The following RBP4 variants were observed in gnomAD, a reference collection of about 807,000 sequenced individuals.
RBP4 encodes the protein retinol-binding protein 4.
A neutral mutation model predicts 26.2 loss-of-function variants in RBP4; 9 were observed. The ratio of observed to expected loss-of-function variants is 0.34; its 90% CI spans 0.21 to 0.60. The LOEUF (loss-of-function observed/expected upper bound fraction) is 0.60. RBP4 is among the 20% of genes least tolerant of loss of function. RBP4 has a pLI of 0.80. For synonymous variants in RBP4, 114 were observed against 111.0 expected, an observed-to-expected ratio of 1.03 and a Z score of -0.17; for missense variants, 244 against 271.3, an observed-to-expected ratio of 0.90 and a Z score of 0.71.
upstream of RBP4, chr10:93,601,293 C>T: frequency 1.6e-6 from 2 of 1,213,558 alleles, no homozygotes; most frequent in South Asian, 3.8e-5. Flanking sequence ...GTCGCGCTTT[C>T]GTAACCGCGC....
intron 4 of RBP4, among the ~76,000 whole-genome samples, chr10:93,598,175 T>C (rs1188884458): frequency 6.6e-6 from 1 of 152,170 alleles, no homozygotes; most frequent in Admixed American, 6.5e-5. Flanking sequence ...GTCCTCCCAT[T>C]CTAGACCCAG....
In RBP4 at chr10:93,600,454, G is replaced by C. The variant is rs779153292; in HGVS notation, c.294C>G (p.Thr98=). The C allele has an allele frequency of 9.9e-6, 16 of 1,614,012 alleles. No homozygotes were observed. The highest frequency in any genetic ancestry group is 1.3e-5 in the Non-Finnish European group (15 of 1,180,042). The change falls in exon 4 of 6, where the codon ACC becomes ACG. Residue 98 remains threonine (T), a synonymous_variant. Coordinates refer to ENST00000371464, the MANE Select transcript of RBP4 (RefSeq NM_006744.4). Reference sequence around the variant, plus strand: ...TCATCTTGAACTTGGCAGGGTCCTCGGTGTCTGTGAAGGTGCCCACCATGT... The same window carrying C: ...TCATCTTGAACTTGGCAGGGTCCTCCGTGTCTGTGAAGGTGCCCACCATGT... ...CADMVGTFTD[T]EDPAKFKMKY...
chr10:93,593,404 T>C (rs1424077966), intron 5 of RBP4, among the ~76,000 whole-genome samples: 2 of 152,222 alleles, frequency 1.3e-5, no homozygotes, highest in Non-Finnish European at 2.9e-5. Context: ...TGGAGCTTAC[T>C]ACATTGATGC....
intron 5 of RBP4, 28 bp downstream of exon 5, chr10:93,593,795 G>C (rs757175594): frequency 1.2e-6 from 2 of 1,608,306 alleles, no homozygotes. Context: ...TGCAGGAAGA[G>C]CCAGAAGGCA....
intron 4 of RBP4, among the ~76,000 whole-genome samples, chr10:93,597,532 C>G (rs2058309964): frequency 6.6e-6 from 1 of 152,158 alleles, no homozygotes; most frequent in African/African-American, 2.4e-5. Context: ...TGTATTCAAC[C>G]AAGACCTGCT....
In RBP4 at chr10:93,600,962, G is replaced by C. The variant is rs1259782555; in HGVS notation, c.67C>G (p.Arg23Gly). 1.2e-6 allele frequency: 2 copies of C among 1,612,428 alleles called. No individual in the cohort carries two copies. Among genetic ancestry groups the C allele is most frequent in the Non-Finnish European group, 8.5e-7 (1 of 1,179,744 alleles). The part of the protein sequence containing the change: ...LGSGRAERDC[R>G]VSSFRVKENF... ...TCCTTGACTCGGAAGCTGCTCACTC[G>C]GCAGTCGCGCTCCGCGCGGCCGCTG... The change falls in exon 2 of 6, where the codon CGA becomes GGA. Residue 23 changes from arginine to glycine, a missense_variant. Coordinates refer to ENST00000371464, the MANE Select transcript of RBP4 (RefSeq NM_006744.4).
In RBP4 at chr10:93,591,968, C is replaced by G; in HGVS notation, c.*107G>C. ...ATGTGTAATGAAGGTTTTATGGGAA[C>G]TGAGGGAAGATGGGGAGAGAAGGGC... On this transcript the variant is annotated 3_prime_UTR_variant, in exon 6 of 6. Transcript: ENST00000371464. 1 of 945,974 alleles carries G rather than the reference C, an allele frequency of 1.1e-6. No individual in the cohort carries two copies. Among genetic ancestry groups the G allele is most frequent in the Non-Finnish European group, 1.7e-6 (1 of 577,882 alleles). 58.6% of individuals were successfully genotyped at this position (945,974 alleles called of 1,614,324 possible).
rs1316162165 is a variant in RBP4 at position 93,600,813 on chromosome 10, G to A, written c.112-10C>T. On this transcript the variant is annotated splice_polypyrimidine_tract_variant and intron_variant, in intron 2 of 5. Transcript: ENST00000371464. ...ACCAGGTCCCAGAGAACTGTGAGAA[G>A]GATGACAGCAGGGGTTTGGCGTCCG... is the stretch of plus-strand genomic sequence containing the variant. 6.2e-7 allele frequency: 1 copy of A among 1,609,016 alleles called. No homozygotes were observed. Among genetic ancestry groups the A allele is most frequent in the African/African-American group, 1.3e-5 (1 of 74,826 alleles).
chr10:93,599,336 A>G (rs981352529), intron 4 of RBP4, among the ~76,000 whole-genome samples: 31 of 152,226 alleles, frequency 2.0e-4, no homozygotes, highest in Non-Finnish European at 8.8e-5. Context: ...GAGGAAGTCC[A>G]AGAGGGTGGT....
chr10:93,598,692 C>G (rs1157825792), intron 4 of RBP4, among the ~76,000 whole-genome samples: 3 of 152,206 alleles, frequency 2.0e-5, no homozygotes, highest in African/African-American at 7.2e-5. Flanking sequence ...ATGCTCCCTT[C>G]TCATTGGGTC....
chr10:93,592,281 C>T (rs889643655), intron 5 of RBP4, among the ~76,000 whole-genome samples, 169 bp from the exon 6 acceptor site: 1 of 152,222 alleles, frequency 6.6e-6, no homozygotes, highest in African/African-American at 2.4e-5. Context: ...AATTCATAAA[C>T]ACCTTCAAGG....
In RBP4 at chr10:93,601,131, C is replaced by G. The variant is rs530912086; in HGVS notation, c.-19+40G>C. On this transcript the variant is annotated intron_variant, in intron 1 of 5. Transcript: ENST00000371464. ...TCACCCCACCCCACCCCACCCCGGC[C>G]CATCCCGCCGCCGGCCCCGAGGCCC... is the stretch of plus-strand genomic sequence containing the variant. 88 of 1,507,458 alleles carry G rather than the reference C, an allele frequency of 5.8e-5. No homozygotes were observed. The African/African-American group carries it at 1.2e-3, about 20-fold the overall frequency. 93.4% of individuals were successfully genotyped at this position (1,507,458 alleles called of 1,614,324 possible).
chr10:93,598,485 T>G (rs142574624), intron 4 of RBP4, among the ~76,000 whole-genome samples: 92 of 152,370 alleles, frequency 6.0e-4, no homozygotes, highest in African/African-American at 2.1e-3. Flanking sequence ...GCACAGCTTC[T>G]TTTTTGAAAT....
chr10:93,600,560 C>A, intron 3 of RBP4, 61 bp from the exon 4 acceptor site: 1 of 1,612,312 alleles, frequency 6.2e-7, no homozygotes, highest in Non-Finnish European at 8.5e-7. Context: ...CTCCCTCCAC[C>A]CATTCGGTGC....
intron 4 of RBP4, among the ~76,000 whole-genome samples, chr10:93,598,105 C>T (rs1357364678): frequency 1.3e-5 from 2 of 152,218 alleles, no homozygotes; most frequent in African/African-American, 4.8e-5. Flanking sequence ...AGTCACTTCT[C>T]TATGGGCCCC....
At chr10:93,595,044 C>T (rs990398615) in intron 4 of RBP4, among the ~76,000 whole-genome samples, 12 of 151,868 alleles carry the variant, frequency 7.9e-5, no homozygotes, top group African/African-American at 1.2e-4. Flanking sequence ...GCGGCTGAGG[C>T]GGCAGGATCG....
upstream of RBP4, chr10:93,601,273 G>A: frequency 8.2e-7 from 1 of 1,216,298 alleles, no homozygotes; most frequent in South Asian, 3.8e-5. Context: ...TATAGCGCCG[G>A]GGGGAGGGGG....
chr10:93,600,344 C>A (rs2058328379), intron 4 of RBP4, 49 bp downstream of exon 4: 1 of 1,527,404 alleles, frequency 6.5e-7, no homozygotes. Flanking sequence ...GCGATTTGGC[C>A]CGGTAGGCGC....
At chr10:93,593,445 A>G (rs1293270229) in intron 5 of RBP4, among the ~76,000 whole-genome samples, 2 of 152,102 alleles carry the variant, frequency 1.3e-5, no homozygotes, top group African/African-American at 4.8e-5. Flanking sequence ...CAATGGCCAC[A>G]TGAACTGCCC....
Sources: allele counts gnomAD v4.1 joint callset (sites outside exome capture counted in the v4.1 genomes callset), GRCh38; gene constraint gnomAD v4.1.1; transcripts MANE v1.5; gene names NCBI Gene and HGNC (gene_info 2026-07-23, HGNC 2026-07-21).